Variants in KIAA1671 observed in about 807,000 individuals in gnomAD.
KIAA1671 encodes KIAA1671.
Under a neutral mutation model 131.2 loss-of-function variants are expected in KIAA1671, and 52 were observed. That is an observed-to-expected ratio of 0.40 (90% CI 0.32 to 0.50). The LOEUF (loss-of-function observed/expected upper bound fraction) is 0.50. Among genes scored for constraint, KIAA1671 ranks in the 20% least tolerant of loss-of-function variants. KIAA1671 has a pLI of 0.73. For synonymous variants in KIAA1671, 1,003 were observed against 961.6 expected (o/e 1.04, Z -0.80); for missense variants, 2,360 against 2,364.2 (o/e 1.00, Z 0.04).
chr22:24,956,857 G>C (rs546891695), intron 1 of KIAA1671, among the ~76,000 whole-genome samples: 1 of 139,564 alleles, frequency 7.2e-6, no homozygotes, highest in South Asian at 2.5e-4. Context: ...GGGCGAGAGA[G>C]CGAGACTCTG....
chr22:25,096,784 A>G (rs561728772), intron 6 of KIAA1671, among the ~76,000 whole-genome samples: 5 of 152,152 alleles, frequency 3.3e-5, no homozygotes, highest in Admixed American at 1.3e-4. Context: ...CCCTCCTTCC[A>G]TCCTGTCCTC....
intron 9 of KIAA1671, among the ~76,000 whole-genome samples, chr22:25,180,947 C>T (rs1303521957): frequency 6.6e-6 from 1 of 152,226 alleles, no homozygotes; most frequent in Admixed American, 6.5e-5. Flanking sequence ...GCACCTCTGG[C>T]TCCCATCAGC....
Position 25,039,789 on chromosome 22 carries a change from C to A in KIAA1671, c.2659C>A (p.Leu887Ile). Residue 887 changes from leucine (L) to isoleucine (I), a missense_variant, in exon 5 of 13, where the codon CTT becomes ATT. Transcript: ENST00000358431. ...ACCCCAGGGATGCCCCCTCGATCCT[C>A]TTTCCAGGGCTACGAATGGGCCTTC... ...GPPQGCPLDP[L>I]SRATNGPSDS... is the part of the protein sequence containing the mutation. 6.6e-7 allele frequency: 1 copy of A among 1,509,122 alleles called. No individual in the cohort carries two copies. The highest frequency in any genetic ancestry group is 8.9e-7 in the Non-Finnish European group (1 of 1,123,944). 93.5% of individuals were successfully genotyped at this position (1,509,122 alleles called of 1,614,324 possible).
rs955078332 is a variant in KIAA1671, at chr22:25,039,172, C to T, written c.2042C>T (p.Thr681Met). The T allele has an allele frequency of 6.8e-5, 106 of 1,551,762 alleles. No homozygotes were observed. Among genetic ancestry groups the T allele is most frequent in the South Asian group, 8.3e-5 (7 of 84,064 alleles). Reference protein sequence around the residue: ...ENSRGFDNPETEKLGPTTLLN... With the variant: ...ENSRGFDNPEMEKLGPTTLLN... The stretch of plus-strand genomic sequence containing the variant: ...TCCAGAGGGTTTGACAATCCCGAGA[C>T]GGAGAAATTGGGACCAACCACCCTT... Residue 681 changes from threonine to methionine, a missense_variant, in exon 5 of 13, where the codon ACG becomes ATG. Physicochemically the swap from Thr to Met is moderately conservative, Grantham distance 81 (BLOSUM62 -1). This residue lies in a region of KIAA1671 where 1,185 missense variants were observed against 1,126.2 expected (regional missense o/e 1.05). Coordinates refer to ENST00000358431, the MANE Select transcript of KIAA1671 (RefSeq NM_001145206.2).
chr22:25,171,252 T>G (rs529605269), intron 7 of KIAA1671, among the ~76,000 whole-genome samples: 1 of 151,158 alleles, frequency 6.6e-6, no homozygotes, highest in Non-Finnish European at 1.5e-5. Context: ...TACAAAAAAT[T>G]AGCTGGGTGT....
intron 6 of KIAA1671, among the ~76,000 whole-genome samples, chr22:25,113,108 A>G (rs1038692110): frequency 6.6e-6 from 1 of 152,142 alleles, no homozygotes; most frequent in East Asian, 1.9e-4. Flanking sequence ...GTGTCCTGCT[A>G]GGCGACAGTG....
At chr22:24,975,078 T>G (rs574799583) in intron 1 of KIAA1671, among the ~76,000 whole-genome samples, 7 of 152,332 alleles carry the variant, frequency 4.6e-5, no homozygotes, top group African/African-American at 1.7e-4. Context: ...CATGACTGAT[T>G]TTGGAACATT....
intron 6 of KIAA1671, among the ~76,000 whole-genome samples, chr22:25,117,585 CCACACACACACACACACACACACACA>C (rs4049524): frequency 1.5e-4 from 18 of 123,894 alleles, no homozygotes; most frequent in African/African-American, 4.5e-4. Flanking sequence ...TCTCCCCCAA[CCACACACACACACACACACACACACA>C]CACACACACA....
rs546236939 is a variant in KIAA1671, at chr22:25,152,376, G to A, written c.4531-18444G>A. ...TTCATGGCCATTTACATGTGTGTGTGAGGTGATTAAATCACTCCCATGTCA... is the reference window on the plus strand; with the variant it reads ...TTCATGGCCATTTACATGTGTGTGTAAGGTGATTAAATCACTCCCATGTCA... On this transcript the variant is annotated intron_variant, in intron 6 of 12. Coordinates refer to ENST00000358431, the MANE Select transcript of KIAA1671 (RefSeq NM_001145206.2). Among the ~76,000 whole-genome samples the A allele has an allele frequency of 2.6e-5, 4 of 152,282 alleles. No homozygotes were observed. In the East Asian group the frequency reaches 5.8e-4, roughly 22 times the overall value.
At chr22:25,038,645 A>T in intron 4 of KIAA1671, 115 bp from the exon 5 acceptor site, 2 of 1,101,286 alleles carry the variant, frequency 1.8e-6, no homozygotes, top group Non-Finnish European at 2.5e-6. Flanking sequence ...TTTCAATTTT[A>T]TGGTATTTCA....
At chr22:25,108,359 GC>G (rs1040053135) in intron 6 of KIAA1671, among the ~76,000 whole-genome samples, 4 of 152,120 alleles carry the variant, frequency 2.6e-5, no homozygotes, top group Non-Finnish European at 5.9e-5. Context: ...TCTGGGGCCA[GC>G]GGGGAGGACT....
chr22:24,956,292 C>T (rs935769680), intron 1 of KIAA1671, among the ~76,000 whole-genome samples: 3 of 152,200 alleles, frequency 2.0e-5, no homozygotes, highest in Admixed American at 2.0e-4. Flanking sequence ...AACCCTGTGC[C>T]TGTTCAGGGG....
At chr22:25,001,199 GTA>G (rs779001827) in intron 1 of KIAA1671, among the ~76,000 whole-genome samples, 7 of 141,664 alleles carry the variant, frequency 4.9e-5, no homozygotes, top group Non-Finnish European at 9.1e-5. Flanking sequence ...ATATATGTGT[GTA>G]TGTGTATGTA....
chr22:24,965,320 C>G (rs908642982), intron 1 of KIAA1671, among the ~76,000 whole-genome samples: 1 of 150,616 alleles, frequency 6.6e-6, no homozygotes, highest in African/African-American at 2.4e-5. Context: ...GAGGTTGAAG[C>G]GAGAAAATCG....
At position 25,193,941 on chromosome 22, in the gene KIAA1671, C is replaced by T. The variant is rs1487653312; in HGVS notation, c.*1540C>T. 2.0e-5 allele frequency: 3 copies of T among 152,212 alleles called. No homozygotes were observed. Among genetic ancestry groups the T allele is most frequent in the African/African-American group, 7.2e-5 (3 of 41,454 alleles). 9.4% of individuals were successfully genotyped at this position (152,212 alleles called of 1,614,324 possible). A position where few individuals can be genotyped will look rare whatever the true frequency, so the allele number is the denominator to read the frequency against. The stretch of plus-strand genomic sequence containing the variant: ...ATTCCCTGAATTAGTCATCAGTTCT[C>T]CGTGGCCATTTGGGGATTCATGCCT... On this transcript the variant is annotated 3_prime_UTR_variant, in exon 13 of 13. Transcript: ENST00000358431.
intron 4 of KIAA1671, among the ~76,000 whole-genome samples, chr22:25,035,941 C>T (rs1926566907): frequency 6.6e-6 from 1 of 152,114 alleles, no homozygotes; most frequent in South Asian, 2.1e-4. Context: ...TGTGGTGGCT[C>T]ATGCCTATAA....
rs9624696 is a variant in KIAA1671, at chr22:25,019,378, C to T, written c.-207-6255C>T. On this transcript the variant is annotated intron_variant, in intron 1 of 12. Coordinates refer to ENST00000358431, the MANE Select transcript of KIAA1671 (RefSeq NM_001145206.2). ...AAAGCATTTAGTGTAGTGTCTGGCA[C>T]ATGGTGTGAGCTTAATAAACGATAG... Among the ~76,000 whole-genome samples, 1,268 of 152,118 alleles carry T rather than the reference C, an allele frequency of 8.3e-3. 11 individuals are homozygous for T. Among genetic ancestry groups the T allele is most frequent in the Non-Finnish European group, 0.013 (857 of 68,008 alleles).
chr22:25,015,287 A>G (rs1883281), intron 1 of KIAA1671, among the ~76,000 whole-genome samples: 29,689 of 151,062 alleles, frequency 0.2, 3,139 homozygotes, highest in East Asian at 0.45. Flanking sequence ...ATGTAAATAA[A>G]TGGCTGTGGG....
chr22:25,038,880 A>C lies in KIAA1671; in HGVS notation c.1750A>C (p.Ser584Arg). 1.3e-6 allele frequency: 2 copies of C among 1,551,758 alleles called. No individual in the cohort carries two copies. The highest frequency in any genetic ancestry group is 1.7e-6 in the Non-Finnish European group (2 of 1,147,004). ...QKVSSNQDPD[S>R]CRGGSSVEAP... ...GGTTAGCTCTAACCAAGACCCCGAC[A>C]GCTGTCGCGGTGGAAGCTCAGTGGA... Residue 584 changes from serine to arginine, a missense_variant, in exon 5 of 13, where the codon AGC (serine) becomes CGC (arginine). Coordinates refer to ENST00000358431, the MANE Select transcript of KIAA1671 (RefSeq NM_001145206.2).
Sources: gnomAD v4.1 joint callset for allele counts (sites outside exome capture counted in the v4.1 genomes callset) on GRCh38, gnomAD v4.1.1 for gene constraint, gnomAD v4.1.1 regional missense constraint, MANE v1.5 for transcripts, NCBI Gene and HGNC (gene_info 2026-07-23, HGNC 2026-07-21) for gene names.